Variants in COL22A1 observed in about 807,000 individuals in gnomAD.
COL22A1 encodes the protein collagen alpha-1(XXII) chain.
COL22A1 carries 221 observed loss-of-function variants against 248.9 expected under a neutral mutation model. That is an observed-to-expected ratio of 0.89 (90% CI 0.80 to 0.99). The LOEUF is 0.99. Ranked by LOEUF, COL22A1 falls within the 50% of genes least tolerant of loss-of-function variation. The pLI, the probability that COL22A1 is intolerant of heterozygous loss-of-function variation, is 0.00. For missense variants in COL22A1, 2,240 were observed against 2,179.0 expected, an observed-to-expected ratio of 1.03 and a Z score of -0.56; for synonymous variants, 891 against 793.4, an observed-to-expected ratio of 1.12 and a Z score of -2.07.
intron 23 of COL22A1, 25 bp from the exon 24 acceptor site, chr8:138,725,465 G>C: frequency 6.2e-7 from 1 of 1,608,718 alleles, no homozygotes. Context: ...CATTTGGTGG[G>C]CTACAGATGG....
chr8:138,835,284 T>C (rs888201277), intron 4 of COL22A1, among the ~76,000 whole-genome samples: 3 of 152,192 alleles, frequency 2.0e-5, no homozygotes, highest in African/African-American at 4.8e-5. Context: ...CATGATATAA[T>C]TGTTAAATGA....
intron 3 of COL22A1, among the ~76,000 whole-genome samples, chr8:138,844,486 T>C (rs893859665): frequency 6.6e-6 from 1 of 152,192 alleles, no homozygotes; most frequent in Admixed American, 6.5e-5. Context: ...GAATAAGTTG[T>C]AGATACATGT....
At chr8:138,907,067 C>T (rs912922523) in intron 1 of COL22A1, among the ~76,000 whole-genome samples, 1 of 152,198 alleles carries the variant, frequency 6.6e-6, no homozygotes, top group Non-Finnish European at 1.5e-5. Context: ...AGGTGTGTAC[C>T]AGGGAGGGGC....
intron 1 of COL22A1, among the ~76,000 whole-genome samples, chr8:138,909,594 T>A (rs1017974272): frequency 3.9e-5 from 6 of 152,098 alleles, no homozygotes; most frequent in Non-Finnish European, 7.4e-5. Context: ...AAAAAAAAAA[T>A]TTAAGATACC....
chr8:138,777,358 C>G (rs990703849), intron 15 of COL22A1, among the ~76,000 whole-genome samples: 3 of 152,202 alleles, frequency 2.0e-5, no homozygotes, highest in African/African-American at 4.8e-5. Flanking sequence ...TTAATTTCAT[C>G]TAAATATTTT....
chr8:138,674,292 G>C (rs538704516), intron 41 of COL22A1, among the ~76,000 whole-genome samples: 1 of 152,104 alleles, frequency 6.6e-6, no homozygotes, highest in African/African-American at 2.4e-5. Context: ...TTCCTGTAAC[G>C]AGGCAACTGC....
intron 23 of COL22A1, among the ~76,000 whole-genome samples, chr8:138,727,385 C>T (rs1319421744): frequency 6.6e-6 from 1 of 152,148 alleles, no homozygotes; most frequent in Non-Finnish European, 1.5e-5. Flanking sequence ...CTGATCTGAT[C>T]CACAGATCCT....
chr8:138,822,658 T>A (rs934656569), intron 6 of COL22A1, among the ~76,000 whole-genome samples: 3 of 152,162 alleles, frequency 2.0e-5, no homozygotes, highest in African/African-American at 7.2e-5. Context: ...TAGGACTTCT[T>A]CTCGGCTCCT....
intron 49 of COL22A1, among the ~76,000 whole-genome samples, chr8:138,631,370 A>T (rs1159436978): frequency 6.6e-6 from 1 of 152,144 alleles, no homozygotes. Context: ...TAGCATCCAC[A>T]TTTTAGGACG....
At chr8:138,683,785 T>C (rs891187663) in intron 39 of COL22A1, among the ~76,000 whole-genome samples, 3 of 152,178 alleles carry the variant, frequency 2.0e-5, no homozygotes, top group African/African-American at 7.2e-5. Flanking sequence ...TTTTACTGTG[T>C]TAAGCCTCTG....
intron 48 of COL22A1, 96 bp downstream of exon 48, chr8:138,636,646 G>T: frequency 1.1e-6 from 1 of 911,258 alleles, no homozygotes; most frequent in South Asian, 1.5e-5. Context: ...TACAGGCAAA[G>T]AAGAGACAAG....
In COL22A1 at chr8:138,837,905, C is replaced by T. The variant is rs572443909; in HGVS notation, c.734-4755G>A. Reference sequence around the variant, plus strand: ...GCCCTGGCCAGAGGTGGGACGTGTCCTGGTGGCCTCCTCCTCAGTGATGTA... The same window carrying T: ...GCCCTGGCCAGAGGTGGGACGTGTCTTGGTGGCCTCCTCCTCAGTGATGTA... On this transcript the variant is annotated intron_variant, in intron 4 of 64. Transcript: ENST00000303045. Among the ~76,000 whole-genome samples, 277 of 152,280 alleles carry T rather than the reference C, an allele frequency of 1.8e-3. 1 individual carries two copies. Among genetic ancestry groups the T allele is most frequent in the Middle Eastern group, 6.8e-3 (2 of 294 alleles).
chr8:138,890,982 C>T (rs1378729440), intron 1 of COL22A1, among the ~76,000 whole-genome samples: 1 of 151,912 alleles, frequency 6.6e-6, no homozygotes, highest in Non-Finnish European at 1.5e-5. Context: ...GAGATCGTTC[C>T]ACCATATTCC....
chr8:138,589,119 C>T lies in COL22A1; in HGVS notation c.*134G>A. The T allele has an allele frequency of 1.2e-6, 1 of 840,364 alleles. No individual in the cohort carries two copies. The highest frequency in any genetic ancestry group is 1.8e-6 in the Non-Finnish European group (1 of 542,078). 52.1% of individuals were successfully genotyped at this position (840,364 alleles called of 1,614,324 possible). On this transcript the variant is annotated 3_prime_UTR_variant, in exon 65 of 65. Transcript: ENST00000303045. ...TTTGAGGTCTCTCAAGAAAATAAAA[C>T]AAAAAGCAAACGATAAAAGAAAGAA...
chr8:138,690,965 C>T (rs1005174320), intron 35 of COL22A1, 91 bp from the exon 36 acceptor site: 3 of 1,013,616 alleles, frequency 3.0e-6, no homozygotes, highest in Middle Eastern at 2.1e-4. Flanking sequence ...ATACTCAATT[C>T]ACCGCAATGT....
chr8:138,667,385 G>T (rs1166420549), intron 41 of COL22A1, among the ~76,000 whole-genome samples: 2 of 152,196 alleles, frequency 1.3e-5, no homozygotes, highest in Non-Finnish European at 2.9e-5. Flanking sequence ...TGCTAGGTTT[G>T]TGTCAAAGGT....
At chr8:138,619,602 A>G in intron 52 of COL22A1, 94 bp from the exon 53 acceptor site, 1 of 1,230,084 alleles carries the variant, frequency 8.1e-7, no homozygotes, top group Non-Finnish European at 1.2e-6. Context: ...CTATTCCCAC[A>G]AGCCAGTTTC....
rs570742142 is a variant in COL22A1 at position 138,875,336 on chromosome 8, T to G, written c.658+2414A>C. On this transcript the variant is annotated intron_variant, in intron 3 of 64. Coordinates refer to ENST00000303045, the MANE Select transcript of COL22A1 (RefSeq NM_152888.3). ...TGTGGCACATCCCAGGGACTTGACC[T>G]CTCTGGGGTTGTCTTTGCCATTCTC... is the stretch of plus-strand genomic sequence containing the variant. Among the ~76,000 whole-genome samples the G allele has an allele frequency of 1.0e-3, 158 of 152,214 alleles. 2 individuals are homozygous for G. Among genetic ancestry groups the G allele is most frequent in the African/African-American group, 3.8e-3 (156 of 41,526 alleles).
intron 32 of COL22A1, among the ~76,000 whole-genome samples, chr8:138,695,671 G>T (rs1182470215): frequency 1.3e-5 from 2 of 152,080 alleles, no homozygotes; most frequent in African/African-American, 4.8e-5. Flanking sequence ...ACCCTGGGTG[G>T]GCCCAGTATG....
Sources: allele counts gnomAD v4.1 joint callset (sites outside exome capture counted in the v4.1 genomes callset), GRCh38; gene constraint gnomAD v4.1.1; transcripts MANE v1.5; gene names NCBI Gene and HGNC (gene_info 2026-07-23, HGNC 2026-07-21).